The following GPC6 variants were observed in gnomAD, a reference collection of about 807,000 sequenced individuals.
GPC6 encodes glypican 6, also known as glypican-6.
Under a neutral mutation model 55.2 loss-of-function variants are expected in GPC6, and 14 were observed. That is an observed-to-expected ratio of 0.25 (90% CI 0.17 to 0.40). The LOEUF (loss-of-function observed/expected upper bound fraction) is 0.40, where lower values mean the gene tolerates loss of function less well. Ranked by LOEUF, GPC6 falls within the 10% of genes least tolerant of loss-of-function variation. The pLI, the probability that GPC6 is intolerant of heterozygous loss-of-function variation, is 1.00. For synonymous variants in GPC6, 278 were observed against 259.6 expected (o/e 1.07, Z -0.68); for missense variants, 641 against 708.5 (o/e 0.90, Z 1.08).
chr13:94,163,591 A>G (rs888317565), intron 4 of GPC6, among the ~76,000 whole-genome samples: 1 of 152,164 alleles, frequency 6.6e-6, no homozygotes, highest in Admixed American at 6.6e-5. Flanking sequence ...TGACTTGATA[A>G]TCTAGTTCAG....
chr13:93,704,284 A>G (rs1164769467), intron 2 of GPC6, among the ~76,000 whole-genome samples: 1 of 151,926 alleles, frequency 6.6e-6, no homozygotes, highest in Admixed American at 6.6e-5. Flanking sequence ...AAGCCCCCAA[A>G]TAAGGAAGAA....
chr13:93,876,192 T>C (rs1311210263), intron 3 of GPC6, among the ~76,000 whole-genome samples: 3 of 100,918 alleles, frequency 3.0e-5, no homozygotes, highest in African/African-American at 8.0e-5. Context: ...CTTCATATAA[T>C]AAATGCTTCA....
intron 3 of GPC6, among the ~76,000 whole-genome samples, chr13:93,942,737 C>T (rs534021142): frequency 3.2e-4 from 49 of 152,236 alleles, no homozygotes; most frequent in African/African-American, 1.1e-3. Flanking sequence ...GGGAGGGGTA[C>T]GAGTGCCAGA....
chr13:93,559,428 CCG>C (rs1566423746), intron 2 of GPC6, among the ~76,000 whole-genome samples: 1 of 152,116 alleles, frequency 6.6e-6, no homozygotes, highest in Non-Finnish European at 1.5e-5. Context: ...TAACCAACAA[CCG>C]TGCTGGGCAC....
At chr13:93,789,677 T>C (rs1885965653) in intron 2 of GPC6, among the ~76,000 whole-genome samples, 1 of 131,118 alleles carries the variant, frequency 7.6e-6, no homozygotes, top group African/African-American at 2.9e-5. Context: ...TAGGCAGAAA[T>C]GATTAGAGGT....
intron 1 of GPC6, among the ~76,000 whole-genome samples, chr13:93,481,651 T>G (rs74420655): frequency 1.3e-5 from 2 of 149,524 alleles, no homozygotes; most frequent in East Asian, 4.0e-4. Context: ...TTTTTTTTTG[T>G]ACGTAGATAC....
At chr13:93,544,583 T>C (rs1452725557) in intron 1 of GPC6, among the ~76,000 whole-genome samples, 1 of 152,206 alleles carries the variant, frequency 6.6e-6, no homozygotes, top group Non-Finnish European at 1.5e-5. Flanking sequence ...CAAATAGCAC[T>C]AAAGAAAGCA....
chr13:94,158,502 C>CCCAAGGA (rs1461238375), intron 4 of GPC6, among the ~76,000 whole-genome samples: 1 of 151,978 alleles, frequency 6.6e-6, no homozygotes, highest in Non-Finnish European at 1.5e-5. Context: ...GAAAAACATT[C>CCCAAGGA]CCAAGGATAA....
intron 2 of GPC6, among the ~76,000 whole-genome samples, chr13:93,764,479 A>G (rs1885047807): frequency 6.6e-6 from 1 of 152,132 alleles, no homozygotes; most frequent in Non-Finnish European, 1.5e-5. Context: ...TAAATTAATT[A>G]GTGCCACAGA....
chr13:93,795,171 A>T (rs917660434), intron 2 of GPC6, among the ~76,000 whole-genome samples: 10 of 152,212 alleles, frequency 6.6e-5, no homozygotes, highest in Non-Finnish European at 1.5e-4. Flanking sequence ...TACCCTAGGT[A>T]TAATAGTTGT....
intron 1 of GPC6, among the ~76,000 whole-genome samples, chr13:93,369,462 C>T (rs938449866): frequency 3.9e-5 from 6 of 152,042 alleles, no homozygotes; most frequent in African/African-American, 1.2e-4. Flanking sequence ...ACTTTTAAAA[C>T]TTTTCTGTTG....
intron 1 of GPC6, among the ~76,000 whole-genome samples, chr13:93,479,341 A>C (rs914267013): frequency 2.0e-5 from 3 of 152,222 alleles, no homozygotes; most frequent in Admixed American, 2.0e-4. Flanking sequence ...TACAAGCAAA[A>C]AACAGGCTGA....
chr13:93,874,845 C>T (rs1419889598), intron 3 of GPC6, among the ~76,000 whole-genome samples: 2 of 151,862 alleles, frequency 1.3e-5, no homozygotes, highest in African/African-American at 4.8e-5. Context: ...CTAGTTACAT[C>T]TCCTCTACCA....
At chr13:93,944,447 G>A (rs1044752209) in intron 3 of GPC6, among the ~76,000 whole-genome samples, 15 of 152,006 alleles carry the variant, frequency 9.9e-5, no homozygotes, top group Non-Finnish European at 1.6e-4. Context: ...TTTGTGATCC[G>A]CCCGCCTCGG....
intron 3 of GPC6, among the ~76,000 whole-genome samples, chr13:93,921,316 C>G (rs1877557428): frequency 6.6e-6 from 1 of 152,188 alleles, no homozygotes; most frequent in African/African-American, 2.4e-5. Context: ...CAGTGGGCAT[C>G]TTACAGTGCT....
At chr13:93,843,093 TTA>T (rs1888013832) in intron 3 of GPC6, among the ~76,000 whole-genome samples, 1 of 151,762 alleles carries the variant, frequency 6.6e-6, no homozygotes, top group Admixed American at 6.6e-5. Flanking sequence ...TTTTTTTTTT[TTA>T]AGTACTCCTA....
chr13:94,277,069 C>T (rs927934545), intron 4 of GPC6, among the ~76,000 whole-genome samples: 1 of 152,210 alleles, frequency 6.6e-6, no homozygotes, highest in Non-Finnish European at 1.5e-5. Flanking sequence ...TAAAAGCCTT[C>T]CTATGTCCCC....
chr13:93,889,728 C>T (rs1429070416), intron 3 of GPC6, among the ~76,000 whole-genome samples: 2 of 152,082 alleles, frequency 1.3e-5, no homozygotes, highest in Non-Finnish European at 2.9e-5. Flanking sequence ...TCTTTTTATT[C>T]TGGCCCCATG....
intron 1 of GPC6, among the ~76,000 whole-genome samples, chr13:93,331,680 G>T (rs1262910439): frequency 1.3e-5 from 2 of 152,022 alleles, no homozygotes; most frequent in East Asian, 1.9e-4. Flanking sequence ...GAATGGAGTT[G>T]TAACTCATAT....
Sources: allele counts gnomAD v4.1 joint callset (sites outside exome capture counted in the v4.1 genomes callset), GRCh38; gene constraint gnomAD v4.1.1; transcripts MANE v1.5; gene names NCBI Gene and HGNC (gene_info 2026-07-23, HGNC 2026-07-21).